Variants in SPMIP11 observed in about 807,000 individuals in gnomAD.
The protein encoded by SPMIP11 is sperm microtubule inner protein 11.
the SPMIP11 span, among the ~76,000 whole-genome samples, chr12:48,727,864 AC>A: frequency 6.6e-6 from 1 of 152,142 alleles, no homozygotes; most frequent in African/African-American, 2.4e-5. Context: ...AGCCTGGGCA[AC>A]ATAGTAAGAC....
the SPMIP11 span, among the ~76,000 whole-genome samples, chr12:48,761,937 C>A: frequency 2.6e-4 from 39 of 148,798 alleles, 1 homozygote; most frequent in African/African-American, 9.4e-4. Context: ...TCCCACACAG[C>A]GATCCTCCTG....
chr12:48,733,095 G>A, the SPMIP11 span, among the ~76,000 whole-genome samples: 200 of 31,238 alleles, frequency 6.4e-3, 6 homozygotes, highest in East Asian at 5.9e-3. Context: ...TTTTTTTTTA[G>A]ACTGAGTCTC....
chr12:48,768,737 C>A, the SPMIP11 span: 1 of 1,611,968 alleles, frequency 6.2e-7, no homozygotes, highest in Non-Finnish European at 8.5e-7. Flanking sequence ...GGGAGGGGAG[C>A]CCGCTTAGCC....
chr12:48,768,312 A>G, the SPMIP11 span: 1 of 506,114 alleles, frequency 2.0e-6, no homozygotes, highest in Non-Finnish European at 3.6e-6. Context: ...TCTGCTACTG[A>G]CCCCTCCCCT....
chr12:48,768,048 C>T, the SPMIP11 span: 40 of 164,506 alleles, frequency 2.4e-4, no homozygotes, highest in Non-Finnish European at 4.3e-4. Flanking sequence ...CTCCTCTGCT[C>T]TGTGCATAGG....
At chr12:48,737,217 C>A in the SPMIP11 span, among the ~76,000 whole-genome samples, 6 of 152,026 alleles carry the variant, frequency 3.9e-5, no homozygotes, top group Non-Finnish European at 7.4e-5. Context: ...TCCCAAAGTG[C>A]TAGGATTACA....
the SPMIP11 span, among the ~76,000 whole-genome samples, chr12:48,748,662 C>A: frequency 6.6e-6 from 1 of 152,228 alleles, no homozygotes; most frequent in East Asian, 1.9e-4. Flanking sequence ...CCTTTTCCTA[C>A]CTTCTCCTGT....
chr12:48,759,516 A>G, the SPMIP11 span, among the ~76,000 whole-genome samples: 2 of 152,042 alleles, frequency 1.3e-5, no homozygotes, highest in Admixed American at 1.3e-4. Flanking sequence ...GTGAAACCCC[A>G]TCTCTACTAA....
the SPMIP11 span, among the ~76,000 whole-genome samples, chr12:48,741,638 G>GT: frequency 6.7e-6 from 1 of 149,724 alleles, no homozygotes; most frequent in Non-Finnish European, 1.5e-5. Context: ...TTGGAAAAAT[G>GT]TAAGTATTCT....
At chr12:48,731,311 A>C in the SPMIP11 span, among the ~76,000 whole-genome samples, 3 of 152,124 alleles carry the variant, frequency 2.0e-5, no homozygotes, top group Admixed American at 2.0e-4. Flanking sequence ...GCTAACACAG[A>C]GAAACCCCGT....
chr12:48,764,890 AG>A, the SPMIP11 span: 1 of 703,000 alleles, frequency 1.4e-6, no homozygotes, highest in Non-Finnish European at 2.6e-6. Context: ...ACTGATGCTC[AG>A]AACTTCAGCT....
At chr12:48,759,391 A>G in the SPMIP11 span, 1 of 696,020 alleles carries the variant, frequency 1.4e-6, no homozygotes, top group Non-Finnish European at 2.6e-6. Context: ...GAGTTCCTAA[A>G]GAATGGCTGG....
chr12:48,751,795 G>A, the SPMIP11 span, among the ~76,000 whole-genome samples: 10 of 150,182 alleles, frequency 6.7e-5, no homozygotes, highest in South Asian at 1.5e-3. Context: ...GGCCGGGTGC[G>A]GTGGCTCACA....
the SPMIP11 span, among the ~76,000 whole-genome samples, chr12:48,759,669 C>CA: frequency 0.022 from 1,734 of 78,760 alleles, 19 homozygotes; most frequent in Middle Eastern, 0.083. Flanking sequence ...CACTTTGTCT[C>CA]AAAAAAAAAA....
chr12:48,762,526 C>T, the SPMIP11 span, among the ~76,000 whole-genome samples: 1 of 151,738 alleles, frequency 6.6e-6, no homozygotes, highest in Non-Finnish European at 1.5e-5. Context: ...CGCCACCATG[C>T]CTGGCTAATT....
At chr12:48,749,160 G>A in the SPMIP11 span, among the ~76,000 whole-genome samples, 1 of 151,920 alleles carries the variant, frequency 6.6e-6, no homozygotes, top group African/African-American at 2.4e-5. Flanking sequence ...TACTTGGGAG[G>A]CTGAGGCAGG....
the SPMIP11 span, among the ~76,000 whole-genome samples, chr12:48,729,060 A>T: frequency 2.0e-5 from 3 of 152,236 alleles, no homozygotes; most frequent in African/African-American, 7.2e-5. Context: ...TAAAACAGGA[A>T]GCTAGGGGAG....
the SPMIP11 span, among the ~76,000 whole-genome samples, chr12:48,731,315 A>AC: frequency 7.9e-5 from 12 of 152,054 alleles, no homozygotes; most frequent in Non-Finnish European, 1.6e-4. Context: ...ACACAGAGAA[A>AC]CCCCGTCTCT....
At chr12:48,770,627 A>C in the SPMIP11 span, 1 of 792,230 alleles carries the variant, frequency 1.3e-6, no homozygotes, top group South Asian at 1.7e-5. Flanking sequence ...TTAATATCAG[A>C]CTTGATATAG....
Sources: allele counts gnomAD v4.1 joint callset (sites outside exome capture counted in the v4.1 genomes callset), GRCh38; gene constraint gnomAD v4.1.1; transcripts MANE v1.5; gene names NCBI Gene and HGNC (gene_info 2026-07-23, HGNC 2026-07-21).